Variants in B3GALT1 observed in about 807,000 individuals in gnomAD.
The protein encoded by B3GALT1 is beta-1,3-galactosyltransferase 1.
Under a neutral mutation model 23.2 loss-of-function variants are expected in B3GALT1, and 10 were observed. The observed-to-expected ratio is 0.43, with a 90% CI of 0.27 to 0.73. B3GALT1 has a LOEUF of 0.73. Among genes scored for constraint, B3GALT1 ranks in the 30% least tolerant of loss-of-function variants. The pLI is 0.21. For missense variants in B3GALT1, 299 were observed against 405.4 expected, an observed-to-expected ratio of 0.74 and a Z score of 2.25; for synonymous variants, 156 against 141.5, an observed-to-expected ratio of 1.10 and a Z score of -0.73.
intron 1 of B3GALT1, among the ~76,000 whole-genome samples, chr2:167,460,119 A>T (rs1387006255): frequency 2.0e-5 from 3 of 152,216 alleles, no homozygotes; most frequent in Non-Finnish European, 1.5e-5. Context: ...CTTGCAGTTC[A>T]CTTGAGTTTC....
At chr2:167,432,961 G>A (rs1698727195) in intron 1 of B3GALT1, among the ~76,000 whole-genome samples, 1 of 152,020 alleles carries the variant, frequency 6.6e-6, no homozygotes, top group Non-Finnish European at 1.5e-5. Flanking sequence ...GTTTACATTG[G>A]GCCTCACTCT....
intron 3 of B3GALT1, among the ~76,000 whole-genome samples, chr2:167,685,078 C>G (rs2105496261): frequency 6.6e-6 from 1 of 152,310 alleles, no homozygotes; most frequent in South Asian, 2.1e-4. Context: ...AAGGATATAA[C>G]AAGATATTGT....
intron 3 of B3GALT1, among the ~76,000 whole-genome samples, chr2:167,665,928 A>G (rs181315431): frequency 6.6e-6 from 1 of 151,938 alleles, no homozygotes; most frequent in African/African-American, 2.4e-5. Context: ...TGGATTCATT[A>G]ATTTTTTGAA....
chr2:167,870,729 T>G lies in B3GALT1; in HGVS notation c.*709T>G, dbSNP rs1048121177. On this transcript the variant is annotated 3_prime_UTR_variant, in exon 5 of 5. Transcript: ENST00000392690. ...TTTTTTTTCTTTTTTTTTCTTTCTT[T>G]TTTGTTTTGCTCTTTCAGAACAAAC... 2 of 167,064 alleles carry G rather than the reference T, an allele frequency of 1.2e-5. No homozygotes were observed. Among genetic ancestry groups the G allele is most frequent in the African/African-American group, 4.8e-5 (2 of 41,456 alleles). 10.3% of individuals were successfully genotyped at this position (167,064 alleles called of 1,614,324 possible).
chr2:167,413,303 G>A (rs895173745), intron 1 of B3GALT1, among the ~76,000 whole-genome samples: 1 of 152,030 alleles, frequency 6.6e-6, no homozygotes, highest in African/African-American at 2.4e-5. Context: ...AAATGTTTAT[G>A]TGTACTTAAA....
rs562967220 is a variant in B3GALT1, at chr2:167,563,329, C to T, written c.-410+73052C>T. 3.1e-4 allele frequency among the ~76,000 whole-genome samples: 45 copies of T among 143,952 alleles called. No individual in the cohort carries two copies. In the South Asian group the frequency reaches 9.5e-3, roughly 30 times the overall value. 94.4% of individuals were successfully genotyped at this position (143,952 alleles called of 152,430 possible). The stretch of plus-strand genomic sequence containing the variant: ...CCGGGCAGAGGCGCCCCTCACTTCC[C>T]GGAAGGGGCGGCTGGCCGGGCGGGG... On this transcript the variant is annotated intron_variant, in intron 2 of 4. Coordinates refer to ENST00000392690, the MANE Select transcript of B3GALT1 (RefSeq NM_020981.4).
intron 3 of B3GALT1, among the ~76,000 whole-genome samples, chr2:167,777,613 G>A (rs1688182371): frequency 6.6e-6 from 1 of 152,152 alleles, no homozygotes; most frequent in Admixed American, 6.5e-5. Context: ...CTCCCAAAGT[G>A]CTAGGATTAC....
intron 2 of B3GALT1, among the ~76,000 whole-genome samples, chr2:167,498,944 G>A (rs1350630460): frequency 6.6e-6 from 1 of 152,060 alleles, no homozygotes; most frequent in Admixed American, 6.6e-5. Context: ...AAAAGAGGCT[G>A]GTATCTCCAT....
At chr2:167,646,620 T>C (rs951118927) in intron 2 of B3GALT1, among the ~76,000 whole-genome samples, 36 of 152,298 alleles carry the variant, frequency 2.4e-4, no homozygotes, top group African/African-American at 8.7e-4. Context: ...AAAATGCATC[T>C]AGCAAACAAA....
At chr2:167,759,349 G>T (rs1482169275) in intron 3 of B3GALT1, among the ~76,000 whole-genome samples, 2 of 152,144 alleles carry the variant, frequency 1.3e-5, no homozygotes, top group Non-Finnish European at 2.9e-5. Flanking sequence ...AATAAGAAAG[G>T]AAAGATACCA....
intron 1 of B3GALT1, among the ~76,000 whole-genome samples, chr2:167,475,284 G>T (rs573755649): frequency 3.2e-4 from 49 of 152,112 alleles, no homozygotes; most frequent in Middle Eastern, 3.4e-3. Flanking sequence ...CCCCTAAGTC[G>T]CTTAGTAGCC....
intron 1 of B3GALT1, among the ~76,000 whole-genome samples, chr2:167,370,002 T>C (rs1697656859): frequency 6.6e-6 from 1 of 152,194 alleles, no homozygotes; most frequent in South Asian, 2.1e-4. Flanking sequence ...CACTTGGTAA[T>C]ATTCTGTATA....
At chr2:167,512,169 T>C (rs1700014165) in intron 2 of B3GALT1, among the ~76,000 whole-genome samples, 1 of 152,080 alleles carries the variant, frequency 6.6e-6, no homozygotes, top group Non-Finnish European at 1.5e-5. Flanking sequence ...GAGCATCCTT[T>C]TCTCATTTCC....
intron 3 of B3GALT1, among the ~76,000 whole-genome samples, chr2:167,742,934 G>GA (rs997551223): frequency 4.0e-5 from 6 of 151,808 alleles, no homozygotes; most frequent in Non-Finnish European, 4.4e-5. Flanking sequence ...TATTTATAAA[G>GA]AAAAAAATGT....
intron 3 of B3GALT1, among the ~76,000 whole-genome samples, chr2:167,791,816 C>G (rs1341555725): frequency 1.3e-5 from 2 of 151,614 alleles, no homozygotes; most frequent in East Asian, 1.9e-4. Context: ...CTTTAGATCA[C>G]TAGATCTTGT....
intron 1 of B3GALT1, among the ~76,000 whole-genome samples, chr2:167,439,681 T>A (rs983454857): frequency 2.6e-5 from 4 of 152,260 alleles, no homozygotes; most frequent in African/African-American, 7.2e-5. Flanking sequence ...TATCATTAAG[T>A]TTTCAATAGA....
chr2:167,838,776 C>G (rs1252118313), intron 4 of B3GALT1, among the ~76,000 whole-genome samples: 1 of 152,260 alleles, frequency 6.6e-6, no homozygotes, highest in Non-Finnish European at 1.5e-5. Context: ...CAAAAATCCT[C>G]AATAAAATAC....
intron 3 of B3GALT1, among the ~76,000 whole-genome samples, chr2:167,816,901 A>G (rs575353449): frequency 6.6e-6 from 1 of 152,336 alleles, no homozygotes; most frequent in South Asian, 2.1e-4. Flanking sequence ...TCTTATGCTT[A>G]CTTACATGGT....
intron 2 of B3GALT1, among the ~76,000 whole-genome samples, chr2:167,503,953 A>C (rs940976798): frequency 1.3e-5 from 2 of 152,146 alleles, no homozygotes; most frequent in African/African-American, 4.8e-5. Context: ...ATTCCTTTCT[A>C]GCTTTTCTTT....
Sources: gnomAD v4.1 joint callset for allele counts (sites outside exome capture counted in the v4.1 genomes callset) on GRCh38, gnomAD v4.1.1 for gene constraint, MANE v1.5 for transcripts, NCBI Gene and HGNC (gene_info 2026-07-23, HGNC 2026-07-21) for gene names.